The following SMARCC2 variants were observed in gnomAD, a reference collection of about 807,000 sequenced individuals.
The protein encoded by SMARCC2 is SWI/SNF related BAF chromatin remodeling complex subunit C2, also known as SWI/SNF complex subunit SMARCC2.
Under a neutral mutation model 151.3 loss-of-function variants are expected in SMARCC2, and 15 were observed. The ratio of observed to expected loss-of-function variants is 0.10; its 90% CI spans 0.07 to 0.15. The LOEUF (loss-of-function observed/expected upper bound fraction) is 0.15, where lower values mean the gene tolerates loss of function less well. SMARCC2 is among the 10% of genes least tolerant of loss of function. The pLI, the probability that SMARCC2 is intolerant of heterozygous loss-of-function variation, is 1.00. For missense variants in SMARCC2, 1,031 were observed against 1,599.7 expected (o/e 0.64, Z 6.06); for synonymous variants, 590 against 609.5 (o/e 0.97, Z 0.47).
In SMARCC2 at chr12:56,189,342, C is replaced by A; in HGVS notation, c.111+9G>T. 6.7e-7 allele frequency: 1 copy of A among 1,488,288 alleles called. No homozygotes were observed. Among genetic ancestry groups the A allele is most frequent in the Non-Finnish European group, 9.1e-7 (1 of 1,103,354 alleles). 92.2% of individuals were successfully genotyped at this position (1,488,288 alleles called of 1,614,324 possible). On this transcript the variant is annotated intron_variant, in intron 1 of 28. Transcript: ENST00000550164. ...CCGGTCCCCGCGCGGCCCGGCCCGGCCCGCGTACCTTCTTGTAGTTCTTGC... is the reference window on the plus strand; with the variant it reads ...CCGGTCCCCGCGCGGCCCGGCCCGGACCGCGTACCTTCTTGTAGTTCTTGC...
intron 15 of SMARCC2, among the ~76,000 whole-genome samples, chr12:56,177,207 G>A (rs1269994001): frequency 1.3e-5 from 2 of 151,680 alleles, no homozygotes; most frequent in Non-Finnish European, 1.5e-5. Flanking sequence ...GCCTCCCAAA[G>A]TGCTGGGATT....
chr12:56,169,702 C>G lies in SMARCC2; in HGVS notation c.2549-7G>C. The G allele has an allele frequency of 6.2e-7, 1 of 1,614,062 alleles. No individual in the cohort carries two copies. The highest frequency in any genetic ancestry group is 8.5e-7 in the Non-Finnish European group (1 of 1,179,998). Reference sequence around the variant, plus strand: ...TTCTCCTTCTCAGGATCGACTGGGCCAGGACAAGGGTTGAGTTAGCCCCAC... The same window carrying G: ...TTCTCCTTCTCAGGATCGACTGGGCGAGGACAAGGGTTGAGTTAGCCCCAC... On this transcript the variant is annotated splice_region_variant and splice_polypyrimidine_tract_variant and intron_variant, in intron 24 of 28. Transcript: ENST00000550164.
intron 23 of SMARCC2, 65 bp from the exon 24 acceptor site, chr12:56,169,976 G>A: frequency 2.0e-6 from 3 of 1,501,422 alleles, no homozygotes; most frequent in South Asian, 2.3e-5. Context: ...TCACACAGAG[G>A]GGCCAGACGG....
chr12:56,179,608 C>G (rs764787609), intron 11 of SMARCC2, among the ~76,000 whole-genome samples: 1 of 152,150 alleles, frequency 6.6e-6, no homozygotes, highest in Non-Finnish European at 1.5e-5. Flanking sequence ...AGCAATGTCT[C>G]CAAAGTGGGG....
chr12:56,189,121 G>T (rs992206182), intron 1 of SMARCC2, among the ~76,000 whole-genome samples: 1 of 150,368 alleles, frequency 6.7e-6, no homozygotes, highest in Non-Finnish European at 1.5e-5. Context: ...AAAAACAAGG[G>T]GCAGAGGGCG....
Position 56,162,515 on chromosome 12 carries a change from A to G in SMARCC2, c.*1174T>C, listed in dbSNP as rs1872015220. The G allele has an allele frequency of 5.4e-6, 3 of 559,732 alleles. No individual in the cohort carries two copies. Among genetic ancestry groups the G allele is most frequent in the Non-Finnish European group, 6.2e-6 (2 of 320,228 alleles). The allele number at this position is 559,732 out of a possible 1,614,324, so 34.7% of individuals were successfully genotyped here. A position where few individuals can be genotyped will look rare whatever the true frequency, so the allele number is the denominator to read the frequency against. On this transcript the variant is annotated 3_prime_UTR_variant, in exon 29 of 29. Transcript: ENST00000550164. ...ACAAAGGGCCTGGTGGGAGGAACCAAGAAGAACCAGTGCAGAGCCTGGAGT... is the reference window on the plus strand; with the variant it reads ...ACAAAGGGCCTGGTGGGAGGAACCAGGAAGAACCAGTGCAGAGCCTGGAGT...
chr12:56,163,348 C>A lies in SMARCC2; in HGVS notation c.*341G>T. ...TCTACTTTTTTTTTTTTTTTTTAATCCATAGAAAATGCAGTAGTTTGGAGG... is the reference window on the plus strand; with the variant it reads ...TCTACTTTTTTTTTTTTTTTTTAATACATAGAAAATGCAGTAGTTTGGAGG... On this transcript the variant is annotated 3_prime_UTR_variant, in exon 29 of 29. Transcript: ENST00000550164. 1 of 157,298 alleles carries A rather than the reference C, an allele frequency of 6.4e-6. No homozygotes were observed. Among genetic ancestry groups the A allele is most frequent in the Non-Finnish European group, 1.3e-5 (1 of 75,652 alleles). 9.7% of individuals were successfully genotyped at this position (157,298 alleles called of 1,614,324 possible). A position where few individuals can be genotyped will look rare whatever the true frequency, so the allele number is the denominator to read the frequency against.
chr12:56,189,479 C>T lies in SMARCC2; in HGVS notation c.-18G>A. ...ACCGCCATCTTCTCCGGCTCGGGCCCCGCCGCCGCCCGCCCCACTCAGCTC... is the reference window on the plus strand; with the variant it reads ...ACCGCCATCTTCTCCGGCTCGGGCCTCGCCGCCGCCCGCCCCACTCAGCTC... On this transcript the variant is annotated 5_prime_UTR_variant, in exon 1 of 29. Coordinates refer to ENST00000550164, the MANE Select transcript of SMARCC2 (RefSeq NM_001330288.2). 1.1e-5 allele frequency: 15 copies of T among 1,415,672 alleles called. No individual in the cohort carries two copies. Among genetic ancestry groups the T allele is most frequent in the Non-Finnish European group, 1.2e-5 (13 of 1,055,116 alleles). 87.7% of individuals were successfully genotyped at this position (1,415,672 alleles called of 1,614,324 possible).
intron 11 of SMARCC2, among the ~76,000 whole-genome samples, chr12:56,180,303 G>T (rs556334829): frequency 1.7e-4 from 25 of 150,936 alleles, no homozygotes; most frequent in African/African-American, 5.1e-4. Flanking sequence ...TATAGACAGG[G>T]TTTCACCATG....
rs182954888 is a variant in SMARCC2, at chr12:56,171,104, T to C, written c.2347+167A>G. On this transcript the variant is annotated intron_variant, in intron 22 of 28. Transcript: ENST00000550164. This position sits in a 1 kb window ranked among gnomAD's most constrained non-coding sequence, Gnocchi z 4.2. ...CCCAAAATCTTCATGAGAGGACTAG[T>C]AGGGCTCCAGAGCCCCTGAGGTAAA... Among the ~76,000 whole-genome samples, 379 of 152,294 alleles carry C rather than the reference T, an allele frequency of 2.5e-3. 4 individuals carry two copies. The highest frequency in any genetic ancestry group is 8.7e-3 in the African/African-American group (363 of 41,556).
rs764493894 is a variant in SMARCC2 at position 56,172,480 on chromosome 12, G to A, written c.1874C>T (p.Ala625Val). 36 of 1,599,558 alleles carry A rather than the reference G, an allele frequency of 2.3e-5. No individual in the cohort carries two copies. The highest frequency in any genetic ancestry group is 3.0e-5 in the Non-Finnish European group (35 of 1,171,290). The change falls in exon 20 of 29, where the codon GCA becomes GTA. Residue 625 changes from alanine to valine, a missense_variant. By Grantham distance (64) the Ala-to-Val change is moderately conservative (BLOSUM62 0). Transcript: ENST00000550164. ...KKNVPSKSKA[A>V]ASATREWTEQ... ...TGTCCACTCACGAGTGGCACTGGCT[G>A]CAGCCTTGCTCTGCAGGGGAAACAC... is the stretch of plus-strand genomic sequence containing the variant.
At chr12:56,175,832 A>AATAG (rs1315973315) in intron 15 of SMARCC2, among the ~76,000 whole-genome samples, 1 of 152,190 alleles carries the variant, frequency 6.6e-6, no homozygotes, top group African/African-American at 2.4e-5. Flanking sequence ...CTAAGCTCTC[A>AATAG]ATAGATGCAG....
intron 11 of SMARCC2, 145 bp downstream of exon 11, chr12:56,180,832 C>T (rs1404877109): frequency 5.0e-5 from 42 of 831,970 alleles, no homozygotes; most frequent in Non-Finnish European, 6.3e-5. Context: ...GGGTAATGAC[C>T]GTAATTCCAA....
At chr12:56,177,182 G>A (rs1875184015) in intron 15 of SMARCC2, among the ~76,000 whole-genome samples, 2 of 152,114 alleles carry the variant, frequency 1.3e-5, no homozygotes, top group South Asian at 4.1e-4. Context: ...CTGACCTTGT[G>A]ATCCGCCCGC....
chr12:56,182,075 C>T lies in SMARCC2; in HGVS notation c.637G>A (p.Asp213Asn), dbSNP rs1247015925. 2.5e-6 allele frequency: 4 copies of T among 1,610,594 alleles called. No homozygotes were observed. Among genetic ancestry groups the T allele is most frequent in the Non-Finnish European group, 1.7e-6 (2 of 1,177,676 alleles). The change falls in exon 8 of 29, where the codon GAC becomes AAC. Residue 213 changes from aspartate to asparagine, a missense_variant. Transcript: ENST00000550164. ...LHWGYYPDSY[D>N]TWIPASEIEA... ...ATTTCACTCGCTGGGATCCACGTGT[C>T]GTAACTGCCATGGGAAATTGAGCAC...
Position 56,171,576 on chromosome 12 carries a change from C to T in SMARCC2, c.2185+103G>A. 2 of 1,492,688 alleles carry T rather than the reference C, an allele frequency of 1.3e-6. No homozygotes were observed. The highest frequency in any genetic ancestry group is 1.8e-6 in the Non-Finnish European group (2 of 1,104,170). The allele number at this position is 1,492,688 out of a possible 1,614,324, so 92.5% of individuals were successfully genotyped here. A position where few individuals can be genotyped will look rare whatever the true frequency, so the allele number is the denominator to read the frequency against. On this transcript the variant is annotated intron_variant, in intron 21 of 28. Coordinates refer to ENST00000550164, the MANE Select transcript of SMARCC2 (RefSeq NM_001330288.2). This position sits in a 1 kb window ranked among gnomAD's most constrained non-coding sequence, Gnocchi z 4.2. ...GTGCCTGAGCTGAGGCCCGCACAGA[C>T]AAGGCCAGCAGGGCAGCCAAACTTG...
intron 11 of SMARCC2, among the ~76,000 whole-genome samples, chr12:56,180,640 G>A (rs1210072050): frequency 1.4e-5 from 2 of 147,036 alleles, no homozygotes; most frequent in Non-Finnish European, 3.0e-5. Flanking sequence ...CTGACCTCAG[G>A]TGATCCGCCC....
At position 56,179,060 on chromosome 12, in the gene SMARCC2, C is replaced by T. The variant is rs375875036; in HGVS notation, c.1082-4G>A. The T allele has an allele frequency of 7.4e-6, 12 of 1,613,594 alleles. No individual in the cohort carries two copies. The highest frequency in any genetic ancestry group is 1.0e-5 in the Non-Finnish European group (12 of 1,179,662). ...TCTGAGTCTTTCTTTGTGTTGACTG[C>T]GAAAACAGAGAGTCATTTTATCAGA... is the stretch of plus-strand genomic sequence containing the variant. On this transcript the variant is annotated splice_polypyrimidine_tract_variant and splice_region_variant and intron_variant, in intron 11 of 28. Coordinates refer to ENST00000550164, the MANE Select transcript of SMARCC2 (RefSeq NM_001330288.2).
At position 56,164,313 on chromosome 12, in the gene SMARCC2, G is replaced by A. The variant is rs1442095212; in HGVS notation, c.3651C>T (p.Ser1217=). The A allele has an allele frequency of 5.0e-6, 8 of 1,612,674 alleles. No homozygotes were observed. In the South Asian group the frequency reaches 6.6e-5, roughly 13 times the overall value. ...AVQGNLLPSA[S]PLPDPGTPLP... is the part of the protein sequence containing the mutation. ...TTGGCCCCTTCTCACCTGGCAGTGG[G>A]CTGGCACTGGGCAGGAGGTTGCCCT... The change falls in exon 28 of 29, where the codon AGC becomes AGT. Residue 1217 remains serine (S), a synonymous_variant. Transcript: ENST00000550164.
Sources: allele counts gnomAD v4.1 joint callset (sites outside exome capture counted in the v4.1 genomes callset), GRCh38; gene constraint gnomAD v4.1.1; non-coding constraint Gnocchi (gnomAD v3.1); transcripts MANE v1.5; gene names NCBI Gene and HGNC (gene_info 2026-07-23, HGNC 2026-07-21).